BACH2: variants seen among roughly 807,000 people sequenced by gnomAD.
The protein encoded by BACH2 is transcription regulator protein BACH2.
In BACH2, 5 loss-of-function variants were observed where a neutral mutation model predicts 61.8. The ratio of observed to expected loss-of-function variants is 0.08; its 90% CI spans 0.04 to 0.17. BACH2 has a LOEUF of 0.17. Ranked by LOEUF, BACH2 falls within the 10% of genes least tolerant of loss-of-function variation. BACH2 has a pLI of 1.00. For synonymous variants in BACH2, 446 were observed against 440.1 expected (o/e 1.01, Z -0.17); for missense variants, 824 against 1,091.1 (o/e 0.76, Z 3.45).
Position 89,951,662 on chromosome 6 carries a change from C to A in BACH2, c.444G>T (p.Ala148=), listed in dbSNP as rs148155014. The A allele has an allele frequency of 9.3e-6, 15 of 1,614,228 alleles. No homozygotes were observed. Among genetic ancestry groups the A allele is most frequent in the East Asian group, 2.2e-5 (1 of 44,880 alleles). ...CGCAGTCCTCGTGTGGGCGCTGGCACGCAGCATCCTTCCGGCACACAAACA... is the reference window on the plus strand; with the variant it reads ...CGCAGTCCTCGTGTGGGCGCTGGCAAGCAGCATCCTTCCGGCACACAAACA... ...DGLFVCRKDA[A]CQRPHEDCEN... is the part of the protein sequence containing the mutation. Residue 148 remains alanine (A), a synonymous_variant, in exon 7 of 9, where the codon GCG becomes GCT. Coordinates refer to ENST00000257749, the MANE Select transcript of BACH2 (RefSeq NM_021813.4). This position sits in a 1 kb window ranked among gnomAD's most constrained non-coding sequence, Gnocchi z 6.4.
At chr6:90,091,591 G>T (rs1782161418) in intron 4 of BACH2, among the ~76,000 whole-genome samples, 1 of 152,100 alleles carries the variant, frequency 6.6e-6, no homozygotes, top group Non-Finnish European at 1.5e-5. Flanking sequence ...TATAGAGAAT[G>T]CCACAATTTT....
At chr6:90,295,673 G>GTGTA (rs1772329571) in intron 1 of BACH2, among the ~76,000 whole-genome samples, 1 of 151,956 alleles carries the variant, frequency 6.6e-6, no homozygotes, top group African/African-American at 2.4e-5. Flanking sequence ...GTGTGTGTGT[G>GTGTA]TGTGTGTGTG....
chr6:89,953,164 C>G lies in BACH2; in HGVS notation c.244-1302G>C, dbSNP rs1774230978. Reference sequence around the variant, plus strand: ...TTAAACTCACCGCAGCATACAGAGCCAAAATTCTTGCAAGGACCTGTAATT... The same window carrying G: ...TTAAACTCACCGCAGCATACAGAGCGAAAATTCTTGCAAGGACCTGTAATT... On this transcript the variant is annotated intron_variant, in intron 6 of 8. Coordinates refer to ENST00000257749, the MANE Select transcript of BACH2 (RefSeq NM_021813.4). 2.0e-5 allele frequency: 3 copies of G among 152,310 alleles called. No individual in the cohort carries two copies. The South Asian group carries it at 6.2e-4, about 32-fold the overall frequency. 9.4% of individuals were successfully genotyped at this position (152,310 alleles called of 1,614,324 possible).
At chr6:90,222,160 A>G (rs760269900) in intron 3 of BACH2, among the ~76,000 whole-genome samples, 3 of 152,202 alleles carry the variant, frequency 2.0e-5, no homozygotes, top group Non-Finnish European at 4.4e-5. Context: ...GCACATCTCA[A>G]TTTGGACAAG....
intron 8 of BACH2, among the ~76,000 whole-genome samples, chr6:89,936,927 A>T (rs1773062464): frequency 6.6e-6 from 1 of 152,126 alleles, no homozygotes; most frequent in Non-Finnish European, 1.5e-5. Flanking sequence ...CCTGACACAG[A>T]CATGGCACCT....
chr6:89,935,639 A>G (rs75011590), intron 8 of BACH2, among the ~76,000 whole-genome samples: 1 of 152,374 alleles, frequency 6.6e-6, no homozygotes, highest in African/African-American at 2.4e-5. Context: ...TTGGAGAACT[A>G]GATGATGCTC....
intron 3 of BACH2, among the ~76,000 whole-genome samples, chr6:90,226,962 G>T (rs1239078962): frequency 6.6e-6 from 1 of 152,198 alleles, no homozygotes; most frequent in African/African-American, 2.4e-5. Flanking sequence ...TGCATAGTAT[G>T]TGAGATTGCT....
intron 6 of BACH2, among the ~76,000 whole-genome samples, chr6:89,986,013 G>A (rs1316898544): frequency 1.3e-5 from 2 of 152,208 alleles, no homozygotes; most frequent in Non-Finnish European, 2.9e-5. Flanking sequence ...CCCTGTTATA[G>A]CCGGACTTGT....
intron 4 of BACH2, among the ~76,000 whole-genome samples, chr6:90,128,663 A>C (rs1783967876): frequency 6.6e-6 from 1 of 152,238 alleles, no homozygotes; most frequent in South Asian, 2.1e-4. Context: ...GTGATTGCTC[A>C]GGGATCTAGA....
chr6:90,203,862 C>T (rs1769043465), intron 4 of BACH2, among the ~76,000 whole-genome samples: 2 of 152,144 alleles, frequency 1.3e-5, no homozygotes, highest in Non-Finnish European at 2.9e-5. Context: ...ACACCCCTTT[C>T]TGGTGTTTCC....
At chr6:90,036,746 A>C (rs1285186051) in intron 5 of BACH2, among the ~76,000 whole-genome samples, 1 of 152,184 alleles carries the variant, frequency 6.6e-6, no homozygotes, top group East Asian at 1.9e-4. Flanking sequence ...CATACAATGA[A>C]ATGTACAAAT....
chr6:90,068,326 G>T (rs958853939), intron 5 of BACH2, among the ~76,000 whole-genome samples: 1 of 152,206 alleles, frequency 6.6e-6, no homozygotes, highest in African/African-American at 2.4e-5. Context: ...ACTGAGTACA[G>T]TAGTGATGAA....
intron 6 of BACH2, among the ~76,000 whole-genome samples, chr6:89,981,298 A>ATT (rs71556547): frequency 6.7e-6 from 1 of 148,862 alleles, no homozygotes; most frequent in African/African-American, 2.5e-5. Flanking sequence ...TGCCTGGCTA[A>ATT]TTTTTTTTTT....
intron 6 of BACH2, among the ~76,000 whole-genome samples, chr6:89,996,088 G>T (rs1268138271): frequency 6.6e-6 from 1 of 152,174 alleles, no homozygotes; most frequent in Non-Finnish European, 1.5e-5. Flanking sequence ...TGCCTATGCT[G>T]GTGTTCCTCC....
chr6:90,145,330 CACAG>C (rs962352327), intron 4 of BACH2, among the ~76,000 whole-genome samples: 2 of 152,152 alleles, frequency 1.3e-5, no homozygotes, highest in African/African-American at 4.8e-5. Context: ...AGTGCTGAAA[CACAG>C]ACAAAGATAG....
intron 5 of BACH2, among the ~76,000 whole-genome samples, chr6:90,038,360 C>T (rs1263150313): frequency 6.6e-6 from 1 of 152,148 alleles, no homozygotes; most frequent in South Asian, 2.1e-4. Flanking sequence ...CTAATTCTAA[C>T]TTCCTTCACC....
At chr6:90,025,263 G>A (rs1036790147) in intron 5 of BACH2, among the ~76,000 whole-genome samples, 6 of 152,076 alleles carry the variant, frequency 3.9e-5, no homozygotes, top group African/African-American at 7.2e-5. Context: ...TGTGATCATC[G>A]CACTGGTCTT....
At chr6:90,014,063 T>C (rs1271320261) in intron 5 of BACH2, among the ~76,000 whole-genome samples, 1 of 152,104 alleles carries the variant, frequency 6.6e-6, no homozygotes, top group African/African-American at 2.4e-5. Flanking sequence ...GGATTACAGG[T>C]GTAAGCCACT....
intron 4 of BACH2, among the ~76,000 whole-genome samples, chr6:90,154,434 T>C (rs1464690270): frequency 6.6e-6 from 1 of 152,162 alleles, no homozygotes. Flanking sequence ...TGAAGAGTAA[T>C]CTACTCCTTT....
Sources: gnomAD v4.1 joint callset for allele counts (sites outside exome capture counted in the v4.1 genomes callset) on GRCh38, gnomAD v4.1.1 for gene constraint, Gnocchi (gnomAD v3.1) non-coding constraint, MANE v1.5 for transcripts, NCBI Gene and HGNC (gene_info 2026-07-23, HGNC 2026-07-21) for gene names.